The following MIPOL1 variants were observed in gnomAD, a reference collection of about 807,000 sequenced individuals.
MIPOL1 encodes mirror-image polydactyly 1, also known as mirror-image polydactyly gene 1 protein.
Under a neutral mutation model 60.9 loss-of-function variants are expected in MIPOL1, and 57 were observed. The ratio of observed to expected loss-of-function variants is 0.94; its 90% confidence interval spans 0.76 to 1.17. The LOEUF (loss-of-function observed/expected upper bound fraction) is 1.17. Among genes scored for constraint, MIPOL1 ranks in the 50% most tolerant of loss-of-function variants. MIPOL1 has a pLI of 0.00. For synonymous variants in MIPOL1, 179 were observed against 168.8 expected (o/e 1.06, Z -0.47); for missense variants, 551 against 511.6 (o/e 1.08, Z -0.74).
At chr14:37,409,850 C>T (rs2093652745) in intron 10 of MIPOL1, among the ~76,000 whole-genome samples, 1 of 152,042 alleles carries the variant, frequency 6.6e-6, no homozygotes, top group Admixed American at 6.6e-5. Flanking sequence ...TAAAAAATTA[C>T]CCATAGTTCA....
chr14:37,450,121 T>C (rs551307180), intron 11 of MIPOL1, among the ~76,000 whole-genome samples: 8 of 151,972 alleles, frequency 5.3e-5, no homozygotes, highest in African/African-American at 1.9e-4. Flanking sequence ...CCACCTTTCT[T>C]TTTTTTTGGA....
chr14:37,231,713 A>G (rs2153316156), intron 1 of MIPOL1, among the ~76,000 whole-genome samples: 1 of 152,278 alleles, frequency 6.6e-6, no homozygotes, highest in South Asian at 2.1e-4. Flanking sequence ...ACTAAGATGA[A>G]TGTTTTGGAA....
chr14:37,324,142 T>C (rs150644174), intron 9 of MIPOL1, among the ~76,000 whole-genome samples: 5 of 152,066 alleles, frequency 3.3e-5, no homozygotes, highest in African/African-American at 1.2e-4. Flanking sequence ...ATCAGCACAG[T>C]TTATGTGGAA....
At chr14:37,459,246 G>T (rs543225328) in intron 11 of MIPOL1, among the ~76,000 whole-genome samples, 1 of 151,790 alleles carries the variant, frequency 6.6e-6, no homozygotes, top group South Asian at 2.1e-4. Context: ...TATTTGAAAA[G>T]AAAAACAAAA....
At chr14:37,213,446 G>T (rs966953159) in intron 1 of MIPOL1, among the ~76,000 whole-genome samples, 1 of 152,142 alleles carries the variant, frequency 6.6e-6, no homozygotes, top group African/African-American at 2.4e-5. Context: ...CATCTAAGTC[G>T]TTTAATAGCA....
intron 1 of MIPOL1, among the ~76,000 whole-genome samples, chr14:37,235,616 C>T (rs11845464): frequency 0.039 from 5,952 of 151,990 alleles, 260 homozygotes; most frequent in African/African-American, 0.1. Flanking sequence ...TAAATTTTAC[C>T]GTCTTAAGTG....
chr14:37,460,089 AAATAATAAT>A (rs139000493), intron 11 of MIPOL1, among the ~76,000 whole-genome samples: 60,619 of 148,886 alleles, frequency 0.41, 14,707 homozygotes, highest in Non-Finnish European at 0.54. Context: ...AATAATAGTA[AAATAATAAT>A]AATAATAATA....
intron 6 of MIPOL1, among the ~76,000 whole-genome samples, chr14:37,273,228 A>G (rs949280257): frequency 1.3e-5 from 2 of 151,092 alleles, no homozygotes; most frequent in African/African-American, 4.8e-5. Context: ...ATATACATAC[A>G]TGTATATTAT....
Position 37,493,841 on chromosome 14 carries a change from G to A in MIPOL1, c.1032-6067G>A, listed in dbSNP as rs552336187. 2.1e-4 allele frequency among the ~76,000 whole-genome samples: 32 copies of A among 152,262 alleles called. No individual in the cohort carries two copies. In the South Asian group the frequency reaches 6.2e-3, roughly 30 times the overall value. ...CTTTAGAATTTCTGAGAGTGATTCA[G>A]TGACTCTTTGGCTGTTATTTCATCA... is the stretch of plus-strand genomic sequence containing the variant. On this transcript the variant is annotated intron_variant, in intron 11 of 12. Coordinates refer to ENST00000684589, the MANE Select transcript of MIPOL1 (RefSeq NM_001388067.1).
chr14:37,285,565 C>G (rs1872000066), intron 7 of MIPOL1, 118 bp downstream of exon 7: 17 of 967,042 alleles, frequency 1.8e-5, no homozygotes, highest in Non-Finnish European at 2.5e-5. Flanking sequence ...TAGGAAATTG[C>G]ATGTCTCCAG....
intron 9 of MIPOL1, among the ~76,000 whole-genome samples, chr14:37,331,052 G>T (rs1426587334): frequency 4.0e-5 from 6 of 151,834 alleles, no homozygotes; most frequent in African/African-American, 1.2e-4. Context: ...CTATGTGTTT[G>T]GTTTTGTTTT....
chr14:37,527,277 G>T (rs1486112929), intron 12 of MIPOL1, among the ~76,000 whole-genome samples: 5 of 151,730 alleles, frequency 3.3e-5, no homozygotes, highest in Non-Finnish European at 7.4e-5. Context: ...GTGTTAAATT[G>T]TGGTATTTTA....
intron 9 of MIPOL1, among the ~76,000 whole-genome samples, chr14:37,336,579 G>T (rs1303209153): frequency 6.6e-6 from 1 of 151,582 alleles, no homozygotes; most frequent in Non-Finnish European, 1.5e-5. Flanking sequence ...TGTCTTCCCT[G>T]ATGTCTACTT....
chr14:37,354,202 T>C (rs1368605039), intron 9 of MIPOL1, among the ~76,000 whole-genome samples: 1 of 152,020 alleles, frequency 6.6e-6, no homozygotes, highest in Non-Finnish European at 1.5e-5. Context: ...TCAGTTTCCA[T>C]GTAGTTGAGC....
intron 10 of MIPOL1, among the ~76,000 whole-genome samples, chr14:37,406,217 C>T (rs1459082926): frequency 1.3e-5 from 2 of 152,076 alleles, no homozygotes; most frequent in East Asian, 1.9e-4. Flanking sequence ...TCTATGCAGG[C>T]AGTTCTTTAA....
chr14:37,212,904 A>T (rs2139339326), intron 1 of MIPOL1, among the ~76,000 whole-genome samples: 1 of 152,300 alleles, frequency 6.6e-6, no homozygotes, highest in East Asian at 1.9e-4. Context: ...GGGAGAAAGT[A>T]AGGGAAGAGA....
chr14:37,516,160 C>T (rs893718664), intron 12 of MIPOL1, among the ~76,000 whole-genome samples: 2 of 152,136 alleles, frequency 1.3e-5, no homozygotes, highest in Non-Finnish European at 2.9e-5. Flanking sequence ...TTGGTGAATA[C>T]TAATAGATCA....
At chr14:37,241,196 C>T (rs1181167054) in intron 1 of MIPOL1, among the ~76,000 whole-genome samples, 1 of 152,096 alleles carries the variant, frequency 6.6e-6, no homozygotes, top group Non-Finnish European at 1.5e-5. Flanking sequence ...ACTGATGTCC[C>T]AGCTGAAGGC....
intron 12 of MIPOL1, among the ~76,000 whole-genome samples, chr14:37,540,332 A>T (rs2095524629): frequency 6.6e-6 from 1 of 151,512 alleles, no homozygotes; most frequent in Non-Finnish European, 1.5e-5. Context: ...TATCAATTTC[A>T]TTTTTTTATA....
Sources: gnomAD v4.1 joint callset for allele counts (sites outside exome capture counted in the v4.1 genomes callset) on GRCh38, gnomAD v4.1.1 for gene constraint, MANE v1.5 for transcripts, NCBI Gene and HGNC (gene_info 2026-07-23, HGNC 2026-07-21) for gene names.